NTAQ1: variants seen among roughly 807,000 people sequenced by gnomAD.
The protein encoded by NTAQ1 is N-terminal glutamine amidase 1, also known as protein N-terminal glutamine amidohydrolase.
Under a neutral mutation model 28.2 loss-of-function variants are expected in NTAQ1, and 21 were observed. That is an observed-to-expected ratio of 0.74 (90% CI 0.53 to 1.07). The LOEUF (loss-of-function observed/expected upper bound fraction) is 1.07, where lower values mean the gene tolerates loss of function less well. NTAQ1 is among the 50% of genes least tolerant of loss of function. NTAQ1 has a pLI of 0.00. For missense variants in NTAQ1, 264 were observed against 256.6 expected (o/e 1.03, Z -0.20); for synonymous variants, 105 against 90.0 (o/e 1.17, Z -0.94).
chr8:123,458,981 G>A (rs1022744542), intron 6 of NTAQ1, among the ~76,000 whole-genome samples: 4 of 151,990 alleles, frequency 2.6e-5, no homozygotes, highest in Non-Finnish European at 5.9e-5. Context: ...CGGAGGCTGA[G>A]GCAAAAGAAT....
downstream of NTAQ1, among the ~76,000 whole-genome samples, chr8:123,444,054 T>TC (rs1647760015): frequency 6.8e-6 from 1 of 147,398 alleles, no homozygotes; most frequent in Non-Finnish European, 1.5e-5. Flanking sequence ...TTAAACTTTT[T>TC]CTTTTTTTTT....
rs535748091 is a variant in NTAQ1, at chr8:123,418,087, A to C, written c.83+1155A>C. ...TGGAGTATGTGGCATACTTCTGGGC[A>C]CTGGGGATATAGCAGTGAACAAAAT... On this transcript the variant is annotated intron_variant, in intron 1 of 5. Coordinates refer to ENST00000287387, the MANE Select transcript of NTAQ1 (RefSeq NM_018024.3). Among the ~76,000 whole-genome samples, 12 of 152,346 alleles carry C rather than the reference A, an allele frequency of 7.9e-5. No individual in the cohort carries two copies. The South Asian group carries it at 2.3e-3, about 29-fold the overall frequency.
chr8:123,434,262 C>G (rs1210214067), intron 3 of NTAQ1, among the ~76,000 whole-genome samples: 1 of 152,068 alleles, frequency 6.6e-6, no homozygotes, highest in Non-Finnish European at 1.5e-5. Context: ...GAGAACTTAT[C>G]TTTTTCATCT....
At chr8:123,458,590 A>G (rs556240572) in intron 6 of NTAQ1, among the ~76,000 whole-genome samples, 1 of 151,578 alleles carries the variant, frequency 6.6e-6, no homozygotes, top group Non-Finnish European at 1.5e-5. Flanking sequence ...TTTTTAGCAG[A>G]TGTGTGAGAC....
intron 4 of NTAQ1, 39 bp from the exon 5 acceptor site, chr8:123,437,171 A>T (rs1217727270): frequency 1.2e-6 from 2 of 1,602,112 alleles, no homozygotes; most frequent in South Asian, 2.2e-5. Flanking sequence ...TTCAAACATG[A>T]CATCTCCCTA....
At position 123,436,514 on chromosome 8, in the gene NTAQ1, A is replaced by T. The variant is rs1481527615; in HGVS notation, c.296A>T (p.Asp99Val). The T allele has an allele frequency of 1.2e-6, 2 of 1,614,002 alleles. No homozygotes were observed. Among genetic ancestry groups the T allele is most frequent in the Admixed American group, 1.7e-5 (1 of 59,986 alleles). The change falls in exon 4 of 6, where the codon GAT (aspartate) becomes GTT (valine). Residue 99 changes from aspartate (D) to valine (V), a missense_variant. By Grantham distance (152) the Asp-to-Val change is radical. Transcript: ENST00000287387. ...SGGQNFIYDL[D>V]TVLPFPCLFD... ...GGACAGAACTTCATTTATGATCTCG[A>T]TACTGTCTTGCCATTTCCCTGCCTC...
At chr8:123,457,158 C>A (rs899056940) in intron 6 of NTAQ1, among the ~76,000 whole-genome samples, 9 of 152,146 alleles carry the variant, frequency 5.9e-5, no homozygotes, top group Non-Finnish European at 1.3e-4. Context: ...CCTCTGCCTC[C>A]CTGGTTCAAG....
At chr8:123,463,009 CA>C in intron 6 of NTAQ1, among the ~76,000 whole-genome samples, 1 of 152,262 alleles carries the variant, frequency 6.6e-6, no homozygotes, top group South Asian at 2.1e-4. Flanking sequence ...CTTGGTACAC[CA>C]GGGGGAGCAT....
downstream of NTAQ1, among the ~76,000 whole-genome samples, chr8:123,449,204 C>T (rs1815392700): frequency 6.6e-6 from 1 of 152,194 alleles, no homozygotes; most frequent in East Asian, 1.9e-4. Context: ...GACAGCAGTA[C>T]ACACCATGAC....
At chr8:123,434,369 A>G (rs1814576610) in intron 3 of NTAQ1, among the ~76,000 whole-genome samples, 1 of 152,160 alleles carries the variant, frequency 6.6e-6, no homozygotes, top group African/African-American at 2.4e-5. Flanking sequence ...GCTCACACCC[A>G]TAATCCCAGC....
chr8:123,463,586 A>G (rs866709517), intron 6 of NTAQ1, among the ~76,000 whole-genome samples: 14 of 152,348 alleles, frequency 9.2e-5, no homozygotes, highest in African/African-American at 3.4e-4. Flanking sequence ...TAGATATCAG[A>G]ATCCAAAGTG....
At chr8:123,426,780 T>G (rs899584577) in intron 1 of NTAQ1, among the ~76,000 whole-genome samples, 6 of 151,504 alleles carry the variant, frequency 4.0e-5, no homozygotes, top group Non-Finnish European at 8.8e-5. Context: ...GCCAACATGG[T>G]GAAACACCAT....
chr8:123,446,651 C>T (rs1253893612), downstream of NTAQ1, among the ~76,000 whole-genome samples: 1 of 152,206 alleles, frequency 6.6e-6, no homozygotes, highest in Non-Finnish European at 1.5e-5. Context: ...AAGACGAGCC[C>T]TGGTGCTCCT....
chr8:123,465,908 A>T (rs1173521916), intron 6 of NTAQ1, among the ~76,000 whole-genome samples: 1 of 152,100 alleles, frequency 6.6e-6, no homozygotes, highest in African/African-American at 2.4e-5. Context: ...AGTTCCATCC[A>T]TATTGTTGCC....
intron 1 of NTAQ1, among the ~76,000 whole-genome samples, chr8:123,419,469 C>G (rs545299554): frequency 2.6e-5 from 4 of 152,274 alleles, no homozygotes; most frequent in Admixed American, 6.5e-5. Context: ...ATGTTAGCTT[C>G]CAGATGTTAC....
chr8:123,438,113 G>T (rs1315104696), intron 5 of NTAQ1: 2 of 697,972 alleles, frequency 2.9e-6, no homozygotes, highest in Non-Finnish European at 5.2e-6. Context: ...TGTACCACTT[G>T]TCTCATTTAT....
chr8:123,425,879 C>T (rs1194818008), intron 1 of NTAQ1, among the ~76,000 whole-genome samples: 2 of 152,096 alleles, frequency 1.3e-5, no homozygotes, highest in Non-Finnish European at 2.9e-5. Context: ...CAAAAATTAG[C>T]CAGAAGTGGT....
At chr8:123,435,485 C>G in intron 3 of NTAQ1, 1 of 985,448 alleles carries the variant, frequency 1.0e-6, no homozygotes, top group Non-Finnish European at 1.2e-6. Flanking sequence ...TGGAGCAGAT[C>G]CTTGCAGACG....
intron 2 of NTAQ1, 100 bp from the exon 3 acceptor site, chr8:123,429,879 CAAAA>C (rs71310685): frequency 4.0e-4 from 135 of 337,210 alleles, no homozygotes; most frequent in Middle Eastern, 8.9e-4. Flanking sequence ...GACTCTGTCT[CAAAA>C]AAAAAAAAAA....
Sources: gnomAD v4.1 joint callset for allele counts (sites outside exome capture counted in the v4.1 genomes callset) on GRCh38, gnomAD v4.1.1 for gene constraint, MANE v1.5 for transcripts, NCBI Gene and HGNC (gene_info 2026-07-23, HGNC 2026-07-21) for gene names.